The following KIAA1328 variants were observed in gnomAD, a reference collection of about 807,000 sequenced individuals.
The protein encoded by KIAA1328 is KIAA1328, also known as protein hinderin.
In KIAA1328, 52 loss-of-function variants were observed where a neutral mutation model predicts 68.1. The observed-to-expected ratio is 0.76, with a 90% CI of 0.61 to 0.96. The LOEUF (loss-of-function observed/expected upper bound fraction) is 0.96. KIAA1328 is among the 40% of genes least tolerant of loss of function. The pLI is 0.00. For synonymous variants in KIAA1328, 232 were observed against 239.4 expected (o/e 0.97, Z 0.28); for missense variants, 641 against 677.6 (o/e 0.95, Z 0.60).
chr18:36,873,911 C>G (rs2048032107), intron 4 of KIAA1328, among the ~76,000 whole-genome samples: 1 of 152,184 alleles, frequency 6.6e-6, no homozygotes, highest in African/African-American at 2.4e-5. Flanking sequence ...TGGTTCAACT[C>G]CCACTTATGA....
At chr18:37,165,674 C>A (rs958349867) in intron 8 of KIAA1328, among the ~76,000 whole-genome samples, 1 of 150,986 alleles carries the variant, frequency 6.6e-6, no homozygotes. Flanking sequence ...TCACCACAAC[C>A]TCTGCCTCCC....
In KIAA1328 at chr18:36,890,713, A is replaced by G. The variant is rs1030599174; in HGVS notation, c.448+5041A>G. ...AACAGTAATGTACAAAACCTTTATG[A>G]GGAACATTTCAAAGACTCCTGAGAG... On this transcript the variant is annotated intron_variant, in intron 5 of 9. Transcript: ENST00000280020. Among the ~76,000 whole-genome samples the G allele has an allele frequency of 2.6e-5, 4 of 152,340 alleles. No individual in the cohort carries two copies. In the South Asian group the frequency reaches 8.3e-4, roughly 32 times the overall value.
chr18:37,093,312 T>G (rs1226690431), intron 7 of KIAA1328, among the ~76,000 whole-genome samples: 1 of 152,038 alleles, frequency 6.6e-6, no homozygotes, highest in Non-Finnish European at 1.5e-5. Flanking sequence ...GAAAGGAAAT[T>G]ATGAAATGCC....
chr18:37,121,276 T>C (rs2058261286), intron 7 of KIAA1328, among the ~76,000 whole-genome samples: 3 of 152,104 alleles, frequency 2.0e-5, no homozygotes, highest in African/African-American at 7.2e-5. Context: ...AATTTCTAAG[T>C]TATTGTAAAA....
At chr18:37,216,697 G>C (rs58227975) in intron 9 of KIAA1328, among the ~76,000 whole-genome samples, 24,339 of 152,014 alleles carry the variant, frequency 0.16, 2,108 homozygotes, top group African/African-American at 0.22. Flanking sequence ...TTAACCTGCT[G>C]TCTCGTTGAT....
At chr18:36,835,209 A>G (rs773336500) in intron 2 of KIAA1328, 25 bp from the exon 3 acceptor site, 5 of 1,604,432 alleles carry the variant, frequency 3.1e-6, no homozygotes, top group Admixed American at 3.4e-5. Flanking sequence ...ATAATTTTGA[A>G]ATCTTGTTTA....
intron 5 of KIAA1328, among the ~76,000 whole-genome samples, chr18:36,957,689 A>G (rs1290914523): frequency 2.0e-5 from 3 of 152,144 alleles, no homozygotes; most frequent in Non-Finnish European, 2.9e-5. Flanking sequence ...ACATCAAATT[A>G]TACTCTCTTT....
At chr18:37,044,840 G>A (rs8097585) in intron 6 of KIAA1328, among the ~76,000 whole-genome samples, 135,497 of 151,250 alleles carry the variant, frequency 0.9, 62,649 homozygotes, top group East Asian at 1. Context: ...TTAAAAAAAT[G>A]AGAACCTTAT....
At chr18:37,028,773 G>A (rs549979425) in intron 6 of KIAA1328, among the ~76,000 whole-genome samples, 1 of 152,214 alleles carries the variant, frequency 6.6e-6, no homozygotes, top group African/African-American at 2.4e-5. Flanking sequence ...GTCTAATGAG[G>A]TGATCATGTG....
At chr18:36,911,028 A>G (rs1003168043) in intron 5 of KIAA1328, among the ~76,000 whole-genome samples, 1 of 151,870 alleles carries the variant, frequency 6.6e-6, no homozygotes, top group African/African-American at 2.4e-5. Context: ...ACTACTCTCC[A>G]ATGGTGGCTT....
chr18:36,998,728 A>G (rs1006344845), intron 6 of KIAA1328, among the ~76,000 whole-genome samples: 1 of 152,330 alleles, frequency 6.6e-6, no homozygotes, highest in South Asian at 2.1e-4. Flanking sequence ...ACCCAGAATT[A>G]AAGCCAAAGT....
At chr18:36,999,370 A>C (rs1202734536) in intron 6 of KIAA1328, among the ~76,000 whole-genome samples, 1 of 152,220 alleles carries the variant, frequency 6.6e-6, no homozygotes, top group African/African-American at 2.4e-5. Context: ...ATAGGTGACA[A>C]CTTCCCAAGT....
At chr18:36,892,936 A>G (rs1292079624) in intron 5 of KIAA1328, among the ~76,000 whole-genome samples, 1 of 152,188 alleles carries the variant, frequency 6.6e-6, no homozygotes, top group African/African-American at 2.4e-5. Context: ...TAAAGAAATT[A>G]TATGCTCACT....
intron 9 of KIAA1328, among the ~76,000 whole-genome samples, chr18:37,180,357 G>A (rs948125752): frequency 1.3e-5 from 2 of 152,082 alleles, no homozygotes; most frequent in African/African-American, 4.8e-5. Flanking sequence ...GACATGAATC[G>A]AGCTTTTCTA....
At chr18:37,048,294 A>G (rs2055556494) in intron 6 of KIAA1328, among the ~76,000 whole-genome samples, 1 of 152,238 alleles carries the variant, frequency 6.6e-6, no homozygotes. Flanking sequence ...TACATTTTCT[A>G]AAGCCCTGCT....
At chr18:36,844,160 T>G in intron 3 of KIAA1328, 48 bp from the exon 4 acceptor site, 1 of 1,323,268 alleles carries the variant, frequency 7.6e-7, no homozygotes, top group Non-Finnish European at 1.0e-6. Context: ...TGAAAAGACT[T>G]TAAAAATTGG....
chr18:36,921,848 A>G (rs374473589), intron 5 of KIAA1328, among the ~76,000 whole-genome samples: 1 of 152,188 alleles, frequency 6.6e-6, no homozygotes, highest in Non-Finnish European at 1.5e-5. Flanking sequence ...GTTTTATTCT[A>G]AGAACCCACC....
In KIAA1328 at chr18:37,067,371, A is replaced by G. The variant is rs200769332; in HGVS notation, c.1058A>G (p.Gln353Arg). 2.5e-6 allele frequency: 4 copies of G among 1,613,656 alleles called. No individual in the cohort carries two copies. Among genetic ancestry groups the G allele is most frequent in the Middle Eastern group, 1.6e-4 (1 of 6,084 alleles). The change falls in exon 7 of 10, where the codon CAA becomes CGA. Residue 353 changes from glutamine (Q) to arginine (R), a missense_variant. Physicochemically the swap from Gln to Arg is conservative, Grantham distance 43. Coordinates refer to ENST00000280020, the MANE Select transcript of KIAA1328 (RefSeq NM_020776.3). Reference protein sequence around the residue: ...ASLVHGGGALQPIETLKKQIS... With the variant: ...ASLVHGGGALRPIETLKKQIS... ...CTGGTGCATGGTGGTGGGGCACTGC[A>G]ACCCATTGAAACTTTGAAAAAGCAG...
chr18:37,154,422 A>C (rs1196211820), intron 7 of KIAA1328, among the ~76,000 whole-genome samples: 4 of 152,130 alleles, frequency 2.6e-5, no homozygotes, highest in Non-Finnish European at 5.9e-5. Flanking sequence ...TTTCTTGCAT[A>C]TCTCTTTATT....
Sources: allele counts gnomAD v4.1 joint callset (sites outside exome capture counted in the v4.1 genomes callset), GRCh38; gene constraint gnomAD v4.1.1; transcripts MANE v1.5; gene names NCBI Gene and HGNC (gene_info 2026-07-23, HGNC 2026-07-21).